KCNN2: variants seen among roughly 807,000 people sequenced by gnomAD.
The protein encoded by KCNN2 is small conductance calcium-activated potassium channel protein 2.
Under a neutral mutation model 55.5 loss-of-function variants are expected in KCNN2, and 24 were observed. The observed-to-expected ratio is 0.43, with a 90% confidence interval of 0.31 to 0.61. The LOEUF (loss-of-function observed/expected upper bound fraction) is 0.61. KCNN2 is among the 20% of genes least tolerant of loss of function. The pLI, the probability that KCNN2 is intolerant of heterozygous loss-of-function variation, is 0.08. For synonymous variants in KCNN2, 431 were observed against 336.1 expected, an observed-to-expected ratio of 1.28 and a Z score of -3.09; for missense variants, 754 against 853.6, an observed-to-expected ratio of 0.88 and a Z score of 1.45.
intron 1 of KCNN2, among the ~76,000 whole-genome samples, chr5:114,218,039 T>G (rs1444504147): frequency 6.6e-6 from 1 of 152,126 alleles, no homozygotes; most frequent in Non-Finnish European, 1.5e-5. Context: ...AAAGCAACAA[T>G]GACATACCAC....
chr5:114,417,581 G>C (rs1483388462), intron 3 of KCNN2, among the ~76,000 whole-genome samples: 1 of 152,090 alleles, frequency 6.6e-6, no homozygotes, highest in Non-Finnish European at 1.5e-5. Flanking sequence ...AAGGTCACTG[G>C]CATTTATTGT....
chr5:114,258,338 T>A (rs1755026609), intron 2 of KCNN2, among the ~76,000 whole-genome samples: 1 of 152,020 alleles, frequency 6.6e-6, no homozygotes, highest in African/African-American at 2.4e-5. Flanking sequence ...GGCTCTGGTA[T>A]TAGGGTGACA....
intron 6 of KCNN2, among the ~76,000 whole-genome samples, chr5:114,491,978 A>T (rs1747879375): frequency 6.6e-6 from 1 of 152,264 alleles, no homozygotes; most frequent in African/African-American, 2.4e-5. Context: ...ATGCTTGTAA[A>T]TTTTAGACTA....
intron 5 of KCNN2, among the ~76,000 whole-genome samples, chr5:114,484,495 A>G (rs1762365946): frequency 1.3e-5 from 2 of 152,060 alleles, no homozygotes; most frequent in Non-Finnish European, 2.9e-5. Context: ...GCATAGACCT[A>G]TTTCTCCCCA....
At chr5:114,473,398 G>A (rs1761836780) in intron 5 of KCNN2, among the ~76,000 whole-genome samples, 2 of 152,150 alleles carry the variant, frequency 1.3e-5, no homozygotes, top group Non-Finnish European at 2.9e-5. Flanking sequence ...TCACATAAAT[G>A]TTAGGTATGC....
At chr5:114,416,352 G>A (rs1211536297) in intron 3 of KCNN2, among the ~76,000 whole-genome samples, 2 of 151,982 alleles carry the variant, frequency 1.3e-5, no homozygotes, top group Admixed American at 6.5e-5. Context: ...GTCTGACCCC[G>A]TTTTAGGGAT....
intron 2 of KCNN2, among the ~76,000 whole-genome samples, chr5:114,375,767 C>T (rs914653645): frequency 6.6e-6 from 1 of 151,776 alleles, no homozygotes; most frequent in Non-Finnish European, 1.5e-5. Flanking sequence ...CGAGTTTGAG[C>T]AGGCTTCTAC....
intron 1 of KCNN2, among the ~76,000 whole-genome samples, chr5:114,137,133 C>A (rs2112499888): frequency 6.6e-6 from 1 of 152,264 alleles, no homozygotes; most frequent in Admixed American, 6.5e-5. Context: ...AAATAGTCCT[C>A]CCCCTACGCT....
At chr5:114,481,023 G>A (rs935464859) in intron 5 of KCNN2, among the ~76,000 whole-genome samples, 2 of 152,054 alleles carry the variant, frequency 1.3e-5, no homozygotes, top group African/African-American at 4.8e-5. Context: ...TCAGGCAAGA[G>A]AAAGAAAGAG....
intron 2 of KCNN2, among the ~76,000 whole-genome samples, chr5:114,402,322 G>A (rs1758810154): frequency 1.3e-5 from 2 of 152,182 alleles, no homozygotes; most frequent in Admixed American, 6.5e-5. Context: ...GTTAATGGGA[G>A]CAAGATCTGC....
chr5:114,311,151 A>G (rs1756384831), intron 2 of KCNN2, among the ~76,000 whole-genome samples: 1 of 152,044 alleles, frequency 6.6e-6, no homozygotes, highest in African/African-American at 2.4e-5. Flanking sequence ...TCAAGCATGT[A>G]TATATATATT....
At chr5:114,061,332 A>G (rs910751017) in intron 1 of KCNN2, among the ~76,000 whole-genome samples, 3 of 152,206 alleles carry the variant, frequency 2.0e-5, no homozygotes, top group Non-Finnish European at 2.9e-5. Context: ...ATATAGTAAT[A>G]TGGTGGTCCC....
At chr5:114,241,152 A>T (rs1754609755) in intron 2 of KCNN2, among the ~76,000 whole-genome samples, 1 of 151,856 alleles carries the variant, frequency 6.6e-6, no homozygotes, top group South Asian at 2.1e-4. Flanking sequence ...TATAACAAAC[A>T]TATTTAAAGA....
intron 2 of KCNN2, among the ~76,000 whole-genome samples, chr5:114,250,923 T>C (rs1329221180): frequency 6.6e-6 from 1 of 152,234 alleles, no homozygotes; most frequent in Non-Finnish European, 1.5e-5. Flanking sequence ...TCTGGTGTTT[T>C]AAGAACATAT....
At chr5:114,347,417 T>C (rs1010391696) in intron 2 of KCNN2, among the ~76,000 whole-genome samples, 6 of 152,184 alleles carry the variant, frequency 3.9e-5, no homozygotes, top group Non-Finnish European at 8.8e-5. Context: ...CCACCACTTA[T>C]GGGTAAAGCC....
At chr5:114,392,052 A>G (rs1758464596) in intron 2 of KCNN2, among the ~76,000 whole-genome samples, 1 of 152,168 alleles carries the variant, frequency 6.6e-6, no homozygotes, top group Non-Finnish European at 1.5e-5. Flanking sequence ...TTATGATTTC[A>G]GATTGGAACT....
At chr5:114,103,034 G>C (rs1369188545) in intron 1 of KCNN2, among the ~76,000 whole-genome samples, 5 of 152,052 alleles carry the variant, frequency 3.3e-5, no homozygotes, top group African/African-American at 1.2e-4. Flanking sequence ...GGGCAGTATG[G>C]CCATTTTCAC....
intron 2 of KCNN2, among the ~76,000 whole-genome samples, chr5:114,251,240 C>T (rs4705651): frequency 0.83 from 125,913 of 152,188 alleles, 52,148 homozygotes; most frequent in East Asian, 0.88. Flanking sequence ...CCATTGTTAT[C>T]GCCTACATAG....
At chr5:114,255,919 T>C (rs941614689) in intron 2 of KCNN2, among the ~76,000 whole-genome samples, 1 of 152,182 alleles carries the variant, frequency 6.6e-6, no homozygotes. Flanking sequence ...TATTCTCTAG[T>C]GGTGACGTCT....
Sources: gnomAD v4.1 joint callset for allele counts (sites outside exome capture counted in the v4.1 genomes callset) on GRCh38, gnomAD v4.1.1 for gene constraint, MANE v1.5 for transcripts, NCBI Gene and HGNC (gene_info 2026-07-23, HGNC 2026-07-21) for gene names.